The following TGFBR3 variants were observed in gnomAD, a reference collection of about 807,000 sequenced individuals.
TGFBR3 encodes the protein transforming growth factor beta receptor type 3.
Under a neutral mutation model 87.9 loss-of-function variants are expected in TGFBR3, and 46 were observed. The observed-to-expected ratio is 0.52, with a 90% CI of 0.41 to 0.67. The LOEUF (loss-of-function observed/expected upper bound fraction) is 0.67, where lower values mean the gene tolerates loss of function less well. TGFBR3 is among the 30% of genes least tolerant of loss of function. TGFBR3 has a pLI of 0.00. For synonymous variants in TGFBR3, 381 were observed against 391.6 expected (o/e 0.97, Z 0.32); for missense variants, 866 against 1,041.9 (o/e 0.83, Z 2.32).
At chr1:91,751,088 CTG>C (rs1408081657) in intron 4 of TGFBR3, among the ~76,000 whole-genome samples, 1 of 152,176 alleles carries the variant, frequency 6.6e-6, no homozygotes, top group Non-Finnish European at 1.5e-5. Context: ...GCACTAAAAA[CTG>C]TGTGTTGGAT....
At chr1:91,772,346 T>C (rs1674410321) in intron 3 of TGFBR3, among the ~76,000 whole-genome samples, 1 of 152,188 alleles carries the variant, frequency 6.6e-6, no homozygotes, top group Middle Eastern at 3.2e-3. Context: ...ATCCCATTTT[T>C]GTTTAGGATC....
chr1:91,872,540 T>G (rs1357443317), intron 1 of TGFBR3, among the ~76,000 whole-genome samples: 1 of 152,252 alleles, frequency 6.6e-6, no homozygotes, highest in Non-Finnish European at 1.5e-5. Context: ...AAGAGTCATC[T>G]GGCCTAAAAG....
chr1:91,873,898 C>T (rs1349231215), intron 1 of TGFBR3, among the ~76,000 whole-genome samples: 1 of 150,658 alleles, frequency 6.6e-6, no homozygotes, highest in African/African-American at 2.4e-5. Flanking sequence ...TGCAGTGAGC[C>T]AAGATTGTGC....
In TGFBR3 at chr1:91,820,119, T is replaced by A. The variant is rs148256318; in HGVS notation, c.62-22648A>T. Among the ~76,000 whole-genome samples, 409 of 152,360 alleles carry A rather than the reference T, an allele frequency of 2.7e-3. 3 individuals are homozygous for A. The highest frequency in any genetic ancestry group is 9.3e-3 in the African/African-American group (385 of 41,588). ...ATGAGCAATCATAATGCTCAATTCA[T>A]ACTTTTCAGAGGGTGTAGTCATTCA... On this transcript the variant is annotated intron_variant, in intron 2 of 16. Transcript: ENST00000212355.
intron 4 of TGFBR3, among the ~76,000 whole-genome samples, chr1:91,750,663 T>A (rs1365743890): frequency 6.6e-6 from 1 of 152,086 alleles, no homozygotes; most frequent in East Asian, 1.9e-4. Flanking sequence ...CTTGAAACAT[T>A]TAGTTATTTA....
chr1:91,688,540 A>C (rs1261086057), intron 16 of TGFBR3, among the ~76,000 whole-genome samples: 1 of 152,188 alleles, frequency 6.6e-6, no homozygotes, highest in Non-Finnish European at 1.5e-5. Context: ...CGTACTTAAA[A>C]CAAGAAATGC....
intron 2 of TGFBR3, among the ~76,000 whole-genome samples, chr1:91,814,886 A>G: frequency 6.6e-6 from 1 of 152,200 alleles, no homozygotes. Flanking sequence ...CAGTTCTACA[A>G]CATAGTCTTC....
At chr1:91,692,277 C>CA (rs1268326291) in intron 16 of TGFBR3, among the ~76,000 whole-genome samples, 4 of 152,030 alleles carry the variant, frequency 2.6e-5, no homozygotes, top group Admixed American at 2.0e-4. Flanking sequence ...CAAAAAGCAG[C>CA]AATATACTCA....
Position 91,775,437 on chromosome 1 carries a change from T to A in TGFBR3, c.247-16687A>T, listed in dbSNP as rs1202750547. 2.0e-5 allele frequency among the ~76,000 whole-genome samples: 3 copies of A among 152,188 alleles called. No individual in the cohort carries two copies. The East Asian group carries it at 5.8e-4, about 29-fold the overall frequency. On this transcript the variant is annotated intron_variant, in intron 3 of 16. Coordinates refer to ENST00000212355, the MANE Select transcript of TGFBR3 (RefSeq NM_003243.5). The stretch of plus-strand genomic sequence containing the variant: ...GGCCTGGGCCCTTTATTTGGCCTCT[T>A]CTTCACCCAGATCTCGGCATAGTTC...
At position 91,729,878 on chromosome 1, in the gene TGFBR3, C is replaced by T. The variant is rs1172763410; in HGVS notation, c.664G>A (p.Val222Met). The change falls in exon 6 of 17, where the codon GTG becomes ATG. Residue 222 changes from valine to methionine, a missense_variant. Coordinates refer to ENST00000212355, the MANE Select transcript of TGFBR3 (RefSeq NM_003243.5). ...YLQPKAAEGC[V>M]MSSQPQNEEV... The stretch of plus-strand genomic sequence containing the variant: ...TCATTCTGGGGCTGGCTGGACATCA[C>T]ACACCCTTCTGCTGCTTTGGGTTGA... The T allele has an allele frequency of 1.2e-6, 2 of 1,614,070 alleles. No individual in the cohort carries two copies. Among genetic ancestry groups the T allele is most frequent in the Non-Finnish European group, 1.7e-6 (2 of 1,180,030 alleles).
intron 7 of TGFBR3, among the ~76,000 whole-genome samples, chr1:91,723,480 T>TAAAAAAAAA (rs58578681): frequency 1.8e-5 from 2 of 109,142 alleles, no homozygotes; most frequent in African/African-American, 3.8e-5. Flanking sequence ...GACCCTGCCT[T>TAAAAAAAAA]AAAAAAAAAA....
chr1:91,899,323 T>C (rs1429052798), intron 2 of TGFBR3, among the ~76,000 whole-genome samples: 1 of 152,092 alleles, frequency 6.6e-6, no homozygotes, highest in Non-Finnish European at 1.5e-5. Context: ...TTCAGCAACA[T>C]AGTGAGATCC....
At chr1:91,777,599 C>T (rs1259360622) in intron 3 of TGFBR3, among the ~76,000 whole-genome samples, 1 of 146,476 alleles carries the variant, frequency 6.8e-6, no homozygotes, top group Non-Finnish European at 1.5e-5. Flanking sequence ...CCAGCTCTAG[C>T]CCCAGCCCTA....
chr1:91,894,356 A>T (rs147572033), intron 2 of TGFBR3, among the ~76,000 whole-genome samples: 113 of 152,220 alleles, frequency 7.4e-4, no homozygotes, highest in African/African-American at 2.6e-3. Flanking sequence ...ACATACTAGA[A>T]TATTTCTTGT....
chr1:91,826,315 T>G (rs1341757097), intron 2 of TGFBR3, among the ~76,000 whole-genome samples: 2 of 152,188 alleles, frequency 1.3e-5, no homozygotes, highest in Non-Finnish European at 2.9e-5. Context: ...ACCTTATCCC[T>G]AAGTTATGGT....
intron 2 of TGFBR3, among the ~76,000 whole-genome samples, chr1:91,828,101 A>G (rs1319718316): frequency 6.6e-6 from 1 of 152,160 alleles, no homozygotes; most frequent in East Asian, 1.9e-4. Flanking sequence ...GCCTGACAGG[A>G]TCAGAACTGT....
At chr1:91,827,255 G>A (rs957758716) in intron 2 of TGFBR3, among the ~76,000 whole-genome samples, 1 of 152,176 alleles carries the variant, frequency 6.6e-6, no homozygotes, top group African/African-American at 2.4e-5. Flanking sequence ...AGAACCAGCG[G>A]GGCGTGTACA....
intron 2 of TGFBR3, among the ~76,000 whole-genome samples, chr1:91,827,806 T>G (rs1468096117): frequency 1.3e-5 from 2 of 152,172 alleles, no homozygotes; most frequent in Non-Finnish European, 2.9e-5. Flanking sequence ...GTGCATGTCA[T>G]CAAAGAGCTG....
chr1:91,877,015 T>A (rs1463926004), intron 1 of TGFBR3, among the ~76,000 whole-genome samples: 1 of 152,192 alleles, frequency 6.6e-6, no homozygotes, highest in Non-Finnish European at 1.5e-5. Flanking sequence ...GAACAGGATC[T>A]TCAGGGTTAT....
Sources: gnomAD v4.1 joint callset for allele counts (sites outside exome capture counted in the v4.1 genomes callset) on GRCh38, gnomAD v4.1.1 for gene constraint, MANE v1.5 for transcripts, NCBI Gene and HGNC (gene_info 2026-07-23, HGNC 2026-07-21) for gene names.